The following ARGFX variants were observed in gnomAD, a reference collection of about 807,000 sequenced individuals.
ARGFX encodes the protein arginine-fifty homeobox.
ARGFX carries 10 observed loss-of-function variants against 8.0 expected under a neutral mutation model. The ratio of observed to expected loss-of-function variants is 1.25; its 90% CI spans 0.77 to 2.12. The LOEUF is 2.12. ARGFX is among the 30% of genes most tolerant of loss of function. The pLI is 0.00. For synonymous variants in ARGFX, 116 were observed against 117.8 expected, an observed-to-expected ratio of 0.98 and a Z score of 0.10; for missense variants, 282 against 324.3, an observed-to-expected ratio of 0.87 and a Z score of 1.00.
intron 2 of ARGFX, among the ~76,000 whole-genome samples, chr3:121,575,192 T>C (rs190060198): frequency 6.6e-6 from 1 of 152,114 alleles, no homozygotes; most frequent in African/African-American, 2.4e-5. Flanking sequence ...TGGTGGCGTG[T>C]GCCTGTAGTC....
At chr3:121,579,973 A>G (rs1354208179) in intron 3 of ARGFX, among the ~76,000 whole-genome samples, 130 of 23,116 alleles carry the variant, frequency 5.6e-3, no homozygotes, top group Non-Finnish European at 8.3e-3. Flanking sequence ...TTTTTTTTTG[A>G]GACAGGTTTC....
In ARGFX at chr3:121,586,798, G is replaced by A. The variant is rs116595666; in HGVS notation, c.*198G>A. Among the ~76,000 whole-genome samples the A allele has an allele frequency of 6.6e-6, 1 of 152,158 alleles. No homozygotes were observed. The highest frequency in any genetic ancestry group is 1.5e-5 in the Non-Finnish European group (1 of 68,026). On this transcript the variant is annotated 3_prime_UTR_variant, in exon 5 of 5. Transcript: ENST00000334384. Reference sequence around the variant, plus strand: ...CCCCACAAGTCTCCCTGAGAAGCCTGCCTAGTCCCTTTCATGGCCAATGAG... The same window carrying A: ...CCCCACAAGTCTCCCTGAGAAGCCTACCTAGTCCCTTTCATGGCCAATGAG...
At chr3:121,571,199 T>C (rs1050950412) in intron 2 of ARGFX, among the ~76,000 whole-genome samples, 1 of 152,196 alleles carries the variant, frequency 6.6e-6, no homozygotes, top group South Asian at 2.1e-4. Context: ...TAGTATTGTA[T>C]ACATGTATAA....
In ARGFX at chr3:121,570,749, A is replaced by G; in HGVS notation, c.36A>G (p.Pro12=). 6.2e-7 allele frequency: 1 copy of G among 1,610,896 alleles called. No individual in the cohort carries two copies. The highest frequency in any genetic ancestry group is 1.7e-4 in the Middle Eastern group (1 of 6,054). ...RNRMAPENPQ[P]DPFINRNYSN... The stretch of plus-strand genomic sequence containing the variant: ...GAATGGCCCCAGAGAATCCCCAGCC[A>G]GACCCTTTCATCAATAGGAATTATT... The change falls in exon 2 of 5, where the codon CCA becomes CCG. Residue 12 remains proline (P), a synonymous_variant. Coordinates refer to ENST00000334384, the MANE Select transcript of ARGFX (RefSeq NM_001012659.2).
chr3:121,569,155 G>T (rs1022041837), intron 1 of ARGFX, among the ~76,000 whole-genome samples: 1 of 152,168 alleles, frequency 6.6e-6, no homozygotes, highest in African/African-American at 2.4e-5. Flanking sequence ...CTTAATGGAA[G>T]ATGGCAGAAT....
At chr3:121,585,498 C>T (rs965982758) in intron 4 of ARGFX, among the ~76,000 whole-genome samples, 7 of 152,054 alleles carry the variant, frequency 4.6e-5, no homozygotes, top group East Asian at 1.9e-4. Context: ...AAGCCCATGA[C>T]GTTTTTCTTT....
At position 121,577,672 on chromosome 3, in the gene ARGFX, T is replaced by C. The variant is rs186855308; in HGVS notation, c.220+772T>C. Among the ~76,000 whole-genome samples, 14 of 152,326 alleles carry C rather than the reference T, an allele frequency of 9.2e-5. 1 individual carries two copies. Among genetic ancestry groups the C allele is most frequent in the Admixed American group, 9.2e-4 (14 of 15,296 alleles). On this transcript the variant is annotated intron_variant, in intron 3 of 4. Coordinates refer to ENST00000334384, the MANE Select transcript of ARGFX (RefSeq NM_001012659.2). ...AAAGAGAGGTATGTTGTGCATACAA[T>C]GTGCCACACATTATTGTAGTGTATT...
chr3:121,570,652 C>A (rs12485719), intron 1 of ARGFX, 50 bp from the exon 2 acceptor site: 3 of 1,261,900 alleles, frequency 2.4e-6, no homozygotes, highest in African/African-American at 1.5e-5. Context: ...TGCTATCCAG[C>A]GAATGAATTC....
At chr3:121,570,272 T>C (rs560585320) in intron 1 of ARGFX, among the ~76,000 whole-genome samples, 2 of 152,226 alleles carry the variant, frequency 1.3e-5, no homozygotes, top group Non-Finnish European at 2.9e-5. Context: ...GGATACGGAA[T>C]CTGAGTTGAT....
intron 3 of ARGFX, among the ~76,000 whole-genome samples, chr3:121,583,248 T>C (rs1419309662): frequency 9.9e-5 from 15 of 151,722 alleles, no homozygotes; most frequent in Non-Finnish European, 2.2e-4. Context: ...CAGGCTGGTC[T>C]CAAACTCCTG....
Position 121,576,828 on chromosome 3 carries a change from G to T in ARGFX, c.148G>T (p.Ala50Ser). Residue 50 changes from alanine (A) to serine (S), a missense_variant, in exon 3 of 5, where the codon GCT becomes TCT. Transcript: ENST00000334384. Reference sequence around the variant, plus strand: ...GCTGGAGTGCAGTGGCACGGTCTCGGCTTACTGCAGCCTCAACCTCCCAGG... The same window carrying T: ...GCTGGAGTGCAGTGGCACGGTCTCGTCTTACTGCAGCCTCAACCTCCCAGG... ...SKLECSGTVS[A>S]YCSLNLPGST... The T allele has an allele frequency of 2.4e-6, 1 of 412,590 alleles. No individual in the cohort carries two copies. The highest frequency in any genetic ancestry group is 2.2e-5 in the African/African-American group (1 of 46,012). The allele number at this position is 412,590 out of a possible 1,614,324, so 25.6% of individuals were successfully genotyped here.
chr3:121,586,739 G>A lies in ARGFX; in HGVS notation c.*139G>A. 2.6e-6 allele frequency: 2 copies of A among 782,036 alleles called. No individual in the cohort carries two copies. The highest frequency in any genetic ancestry group is 4.0e-6 in the Non-Finnish European group (2 of 504,770). The allele number at this position is 782,036 out of a possible 1,614,324, so 48.4% of individuals were successfully genotyped here. A position where few individuals can be genotyped will look rare whatever the true frequency, so the allele number is the denominator to read the frequency against. On this transcript the variant is annotated 3_prime_UTR_variant, in exon 5 of 5. Coordinates refer to ENST00000334384, the MANE Select transcript of ARGFX (RefSeq NM_001012659.2). ...TTTCCATGTAAATGTTGCAAAAAGA[G>A]TTTTCCAAGTAGAGCTGGGCACTAC...
chr3:121,587,208 T>C lies in ARGFX; in HGVS notation c.*608T>C, dbSNP rs984004342. On this transcript the variant is annotated 3_prime_UTR_variant, in exon 5 of 5. Transcript: ENST00000334384. ...CTGGGATTACAGGCGTGTGCCACCATGCCTGGCTAACTTTTGTATTTTTAG... is the reference window on the plus strand; with the variant it reads ...CTGGGATTACAGGCGTGTGCCACCACGCCTGGCTAACTTTTGTATTTTTAG... Among the ~76,000 whole-genome samples the C allele has an allele frequency of 6.6e-6, 1 of 152,104 alleles. No homozygotes were observed. The highest frequency in any genetic ancestry group is 1.5e-5 in the Non-Finnish European group (1 of 67,998).
intron 3 of ARGFX, among the ~76,000 whole-genome samples, chr3:121,579,590 G>T (rs1470835201): frequency 1.3e-5 from 2 of 152,162 alleles, no homozygotes; most frequent in African/African-American, 2.4e-5. Flanking sequence ...GAGCCCACTT[G>T]TCCTTCCCTA....
At chr3:121,571,302 GT>G (rs1399617890) in intron 2 of ARGFX, among the ~76,000 whole-genome samples, 1 of 151,898 alleles carries the variant, frequency 6.6e-6, no homozygotes, top group Non-Finnish European at 1.5e-5. Context: ...CCCAAACATT[GT>G]TTGTATACAA....
Position 121,572,282 on chromosome 3 carries a change from C to T in ARGFX, c.103+1466C>T, listed in dbSNP as rs555478620. ...TAAAGACGGAGTTTCGCTCTTGTTG[C>T]CCAGGCTGGAGTGCAATGGAGCGAT... On this transcript the variant is annotated intron_variant, in intron 2 of 4. Transcript: ENST00000334384. Among the ~76,000 whole-genome samples, 9 of 147,734 alleles carry T rather than the reference C, an allele frequency of 6.1e-5. No homozygotes were observed. In the South Asian group the frequency reaches 1.7e-3, roughly 28 times the overall value.
chr3:121,579,304 C>A (rs539463129), intron 3 of ARGFX, among the ~76,000 whole-genome samples: 5 of 152,180 alleles, frequency 3.3e-5, no homozygotes, highest in Non-Finnish European at 7.3e-5. Flanking sequence ...CAAAGTATAT[C>A]CTGGTTCCAG....
intron 3 of ARGFX, among the ~76,000 whole-genome samples, chr3:121,578,937 A>C (rs1304456824): frequency 6.6e-6 from 1 of 151,482 alleles, no homozygotes; most frequent in Non-Finnish European, 1.5e-5. Flanking sequence ...TTGGCCTCCC[A>C]AAGTGCTGGA....
chr3:121,579,925 TTTTTC>T (rs1208073532), intron 3 of ARGFX, among the ~76,000 whole-genome samples: 270 of 115,594 alleles, frequency 2.3e-3, no homozygotes, highest in African/African-American at 7.9e-3. Flanking sequence ...TCTTTCTTTC[TTTTTC>T]TTTTCTTTTC....
Sources: allele counts gnomAD v4.1 joint callset (sites outside exome capture counted in the v4.1 genomes callset), GRCh38; gene constraint gnomAD v4.1.1; transcripts MANE v1.5; gene names NCBI Gene and HGNC (gene_info 2026-07-23, HGNC 2026-07-21).